Variants in POU6F2 observed in about 807,000 individuals in gnomAD.
The protein encoded by POU6F2 is POU domain, class 6, transcription factor 2.
A neutral mutation model predicts 71.3 loss-of-function variants in POU6F2; 31 were observed. The observed-to-expected ratio is 0.43, with a 90% confidence interval of 0.33 to 0.59. The LOEUF is 0.59. Among genes scored for constraint, POU6F2 ranks in the 20% least tolerant of loss-of-function variants. The pLI, the probability that POU6F2 is intolerant of heterozygous loss-of-function variation, is 0.04. For missense variants in POU6F2, 783 were observed against 856.8 expected (o/e 0.91, Z 1.07); for synonymous variants, 347 against 355.7 (o/e 0.98, Z 0.27).
At chr7:39,426,663 C>G (rs987135050) in intron 6 of POU6F2, among the ~76,000 whole-genome samples, 6 of 152,132 alleles carry the variant, frequency 3.9e-5, no homozygotes, top group Admixed American at 6.5e-5. Context: ...TAGGCTCTCA[C>G]CTTTTCATTC....
intron 2 of POU6F2, among the ~76,000 whole-genome samples, chr7:39,159,654 A>T (rs764019723): frequency 6.6e-6 from 1 of 152,182 alleles, no homozygotes. Flanking sequence ...AATGGGCATT[A>T]TACTAGGTAC....
chr7:39,179,562 A>G (rs1793398999), intron 2 of POU6F2, among the ~76,000 whole-genome samples: 1 of 152,024 alleles, frequency 6.6e-6, no homozygotes, highest in African/African-American at 2.4e-5. Context: ...CACACAGTCT[A>G]CAGAACTGAT....
chr7:39,399,509 A>G (rs1368675178), intron 5 of POU6F2, among the ~76,000 whole-genome samples: 35 of 152,230 alleles, frequency 2.3e-4, no homozygotes, highest in Non-Finnish European at 4.4e-5. Context: ...AAACATGATT[A>G]TCAGTTTATT....
chr7:39,034,555 C>A, intron 1 of POU6F2: 1 of 371,634 alleles, frequency 2.7e-6, no homozygotes, highest in Non-Finnish European at 5.8e-6. Flanking sequence ...TGGGTTCGCT[C>A]TGGGCTTTGA....
In POU6F2 at chr7:39,333,372, C is replaced by CT. The variant is rs1337090758; in HGVS notation, c.599-6269dup. 2.0e-5 allele frequency among the ~76,000 whole-genome samples: 3 copies of CT among 152,250 alleles called. No homozygotes were observed. In the East Asian group the frequency reaches 5.8e-4, roughly 29 times the overall value. On this transcript the variant is annotated intron_variant, in intron 4 of 9. Transcript: ENST00000518318. ...AGAACACTGGGTGATTTCCAGATGT[C>CT]TATTTCTTTTCTTTCCAACCAATGA... is the stretch of plus-strand genomic sequence containing the variant.
At chr7:39,214,626 G>C (rs764805626) in intron 4 of POU6F2, among the ~76,000 whole-genome samples, 1 of 152,132 alleles carries the variant, frequency 6.6e-6, no homozygotes, top group Non-Finnish European at 1.5e-5. Flanking sequence ...ATCTTTATTT[G>C]GTTCAATAAA....
intron 7 of POU6F2, among the ~76,000 whole-genome samples, chr7:39,436,076 T>C (rs1179200029): frequency 6.6e-6 from 1 of 152,230 alleles, no homozygotes; most frequent in Non-Finnish European, 1.5e-5. Flanking sequence ...AGTTTTGTTC[T>C]TTTTGCTTAG....
chr7:39,128,406 T>A lies in POU6F2; in HGVS notation c.277+42375T>A, dbSNP rs143019109. ...ATGTACAGGAGCTGAATCCTAGACA[T>A]AAATTGCATGTTAGGGTGGTGCAGA... On this transcript the variant is annotated intron_variant, in intron 2 of 9. Transcript: ENST00000518318. Among the ~76,000 whole-genome samples, 1,293 of 152,308 alleles carry A rather than the reference T, an allele frequency of 8.5e-3. 10 individuals carry two copies. The highest frequency in any genetic ancestry group is 0.024 in the Middle Eastern group (7 of 294).
At chr7:39,390,875 A>G (rs976310898) in intron 5 of POU6F2, among the ~76,000 whole-genome samples, 6 of 151,966 alleles carry the variant, frequency 3.9e-5, no homozygotes, top group Non-Finnish European at 1.5e-5. Flanking sequence ...CCTGTGGACA[A>G]CTTTCAGAAC....
chr7:39,194,950 A>G (rs902842517), intron 2 of POU6F2, among the ~76,000 whole-genome samples: 1 of 152,132 alleles, frequency 6.6e-6, no homozygotes, highest in East Asian at 1.9e-4. Flanking sequence ...GAAACTCCGG[A>G]CACATCTGAA....
intron 2 of POU6F2, among the ~76,000 whole-genome samples, chr7:39,093,477 A>G (rs777865476): frequency 4.6e-5 from 7 of 152,076 alleles, no homozygotes; most frequent in Non-Finnish European, 8.8e-5. Flanking sequence ...TGATGTCCCA[A>G]TGATAGCCAA....
intron 4 of POU6F2, among the ~76,000 whole-genome samples, chr7:39,271,302 C>T (rs1784334481): frequency 6.6e-6 from 1 of 152,100 alleles, no homozygotes; most frequent in Admixed American, 6.6e-5. Context: ...TGTTTGTGGG[C>T]TGTTGAATAT....
chr7:39,319,307 A>T (rs1398036591), intron 4 of POU6F2, among the ~76,000 whole-genome samples: 1 of 152,160 alleles, frequency 6.6e-6, no homozygotes, highest in Non-Finnish European at 1.5e-5. Flanking sequence ...TGACTCTTTC[A>T]GAGGAAAAGA....
At chr7:39,231,937 C>T (rs919995614) in intron 4 of POU6F2, among the ~76,000 whole-genome samples, 7 of 152,160 alleles carry the variant, frequency 4.6e-5, no homozygotes, top group African/African-American at 1.7e-4. Context: ...TTTTTCTAAT[C>T]CCAGAGCCCC....
At chr7:39,444,306 G>A (rs761528011) in intron 7 of POU6F2, among the ~76,000 whole-genome samples, 5 of 152,308 alleles carry the variant, frequency 3.3e-5, no homozygotes, top group East Asian at 1.9e-4. Flanking sequence ...GATGAAGGCC[G>A]GGCGCAGTGG....
chr7:39,234,617 G>A (rs1342866669), intron 4 of POU6F2, among the ~76,000 whole-genome samples: 2 of 152,058 alleles, frequency 1.3e-5, no homozygotes, highest in South Asian at 2.1e-4. Flanking sequence ...TTTGTGTTTT[G>A]TTTGTCTATT....
intron 4 of POU6F2, among the ~76,000 whole-genome samples, chr7:39,289,439 C>A (rs1784707921): frequency 6.6e-6 from 1 of 152,142 alleles, no homozygotes; most frequent in Admixed American, 6.5e-5. Context: ...TGCAGCTATA[C>A]AGTTTTGTTT....
intron 1 of POU6F2, among the ~76,000 whole-genome samples, chr7:38,998,344 C>T (rs1414690332): frequency 2.6e-5 from 4 of 152,080 alleles, no homozygotes; most frequent in African/African-American, 7.3e-5. Flanking sequence ...CTGTCCTATG[C>T]GATTAAAGTG....
At chr7:39,237,280 C>T (rs1794692470) in intron 4 of POU6F2, among the ~76,000 whole-genome samples, 1 of 152,148 alleles carries the variant, frequency 6.6e-6, no homozygotes, top group South Asian at 2.1e-4. Context: ...CTGGGCCTAC[C>T]TAATTTCAGT....
Sources: allele counts gnomAD v4.1 joint callset (sites outside exome capture counted in the v4.1 genomes callset), GRCh38; gene constraint gnomAD v4.1.1; transcripts MANE v1.5; gene names NCBI Gene and HGNC (gene_info 2026-07-23, HGNC 2026-07-21).